Variants in SEPTIN4 observed in about 807,000 individuals in gnomAD.
SEPTIN4 encodes the protein septin 4.
SEPTIN4 carries 52 observed loss-of-function variants against 107.1 expected under a neutral mutation model. The observed-to-expected ratio is 0.49, with a 90% CI of 0.39 to 0.61. SEPTIN4 has a LOEUF of 0.61. Among genes scored for constraint, SEPTIN4 ranks in the 20% least tolerant of loss-of-function variants. SEPTIN4 has a pLI of 0.00. For synonymous variants in SEPTIN4, 417 were observed against 467.0 expected, an observed-to-expected ratio of 0.89 and a Z score of 1.38; for missense variants, 1,048 against 1,243.5, an observed-to-expected ratio of 0.84 and a Z score of 2.36.
chr17:58,539,204 G>C, intron 3 of SEPTIN4: 2 of 1,526,458 alleles, frequency 1.3e-6, no homozygotes, highest in South Asian at 1.2e-5. Context: ...AACAGGGCTG[G>C]AGAGCTGTAA....
intron 3 of SEPTIN4, among the ~76,000 whole-genome samples, chr17:58,532,728 G>A (rs200851355): frequency 6.6e-6 from 1 of 152,210 alleles, no homozygotes; most frequent in Non-Finnish European, 1.5e-5. Context: ...AGTGGGGAGG[G>A]CCTCAGGAGA....
chr17:58,532,107 C>A, intron 3 of SEPTIN4: 1 of 1,059,530 alleles, frequency 9.4e-7, no homozygotes, highest in East Asian at 7.0e-5. Flanking sequence ...GCGGCGGGGG[C>A]GGAGCGAGTC....
At chr17:58,529,301 T>C (rs948201452) in intron 3 of SEPTIN4, 1 of 1,561,122 alleles carries the variant, frequency 6.4e-7, no homozygotes, top group African/African-American at 1.4e-5. Context: ...CTTGCTCCTT[T>C]CCCTTTCTCT....
At position 58,543,480 on chromosome 17, in the gene SEPTIN4, T is replaced by C. The variant is rs762870995; in HGVS notation, c.707A>G (p.Tyr236Cys). The part of the protein sequence containing the change: ...EHGSSCVSAD[Y>C]QTAQRRVPVE... ...AGGGACCCTTCTCTGGGCTGTCTGATAGTCTGCAGAGACACAGCTGCTTCC... is the reference window on the plus strand; with the variant it reads ...AGGGACCCTTCTCTGGGCTGTCTGACAGTCTGCAGAGACACAGCTGCTTCC... Residue 236 changes from tyrosine to cysteine, a missense_variant, in exon 1 of 14, where the codon TAT becomes TGT. Tyr to Cys is a radical substitution (Grantham distance 194). Around this residue, in one of 2 missense-constraint regions of SEPTIN4, gnomAD observed 787 missense variants for 871.8 expected, o/e 0.90. Transcript: ENST00000672673. 74 of 1,614,090 alleles carry C rather than the reference T, an allele frequency of 4.6e-5. No homozygotes were observed. The highest frequency in any genetic ancestry group is 6.1e-5 in the Non-Finnish European group (72 of 1,180,044).
intron 5 of SEPTIN4, 167 bp from the exon 6 acceptor site, chr17:58,525,948 G>T (rs571636846): frequency 1.2e-6 from 1 of 869,562 alleles, no homozygotes; most frequent in Non-Finnish European, 1.7e-6. Flanking sequence ...GATTGGCTTG[G>T]GGGAGCAAGA....
rs1285778042 is a variant in SEPTIN4 at position 58,526,290 on chromosome 17, A to G, written c.1935T>C (p.Phe645=). 2 of 1,601,970 alleles carry G rather than the reference A, an allele frequency of 1.2e-6. No individual in the cohort carries two copies. The highest frequency in any genetic ancestry group is 2.2e-5 in the South Asian group (2 of 89,424). Residue 645 remains phenylalanine (F), a synonymous_variant, in exon 5 of 14, where the codon TTT becomes TTC. Coordinates refer to ENST00000672673, the MANE Select transcript of SEPTIN4 (RefSeq NM_001368771.2). ...SSEDDKEYVG[F]ATLPNQVHRK... ...GGTGGACTTGGTTGGGGAGGGTTGC[A>G]AAGCCCACATACTCCTTGTCATCCT...
In SEPTIN4 at chr17:58,543,343, C is replaced by A. The variant is rs1194207180; in HGVS notation, c.844G>T (p.Asp282Tyr). 1 of 1,614,076 alleles carries A rather than the reference C, an allele frequency of 6.2e-7. No individual in the cohort carries two copies. The highest frequency in any genetic ancestry group is 1.3e-5 in the African/African-American group (1 of 74,910). ...LLKLSVLKDS[D>Y]GVHRVSARVD... ...CGTGCAGAAACTCGGTGTACACCAT[C>A]AGAATCTTTAAGGACAGAGAGTTTG... The change falls in exon 1 of 14, where the codon GAT (aspartate) becomes TAT (tyrosine). Residue 282 changes from aspartate (D) to tyrosine (Y), a missense_variant. By Grantham distance (160) the Asp-to-Tyr change is radical. Coordinates refer to ENST00000672673, the MANE Select transcript of SEPTIN4 (RefSeq NM_001368771.2).
rs1598238184 is a variant in SEPTIN4 at position 58,520,282 on chromosome 17, T to A, written c.*144A>T. 8.7e-6 allele frequency: 6 copies of A among 687,252 alleles called. No individual in the cohort carries two copies. The East Asian group carries it at 1.7e-4, about 19-fold the overall frequency. 42.6% of individuals were successfully genotyped at this position (687,252 alleles called of 1,614,324 possible). A position where few individuals can be genotyped will look rare whatever the true frequency, so the allele number is the denominator to read the frequency against. ...CCACCTACAGATTTATTAAACTTTA[T>A]TTCCTCTGAGTCTCTGGGCAGTCAG... On this transcript the variant is annotated 3_prime_UTR_variant, in exon 14 of 14. Transcript: ENST00000672673.
At chr17:58,525,310 C>T in intron 6 of SEPTIN4, 109 bp from the exon 7 acceptor site, 1 of 1,347,154 alleles carries the variant, frequency 7.4e-7, no homozygotes, top group Non-Finnish European at 1.0e-6. Context: ...TCCACACTGC[C>T]CCCTTCTCCA....
chr17:58,543,725 T>C lies in SEPTIN4; in HGVS notation c.462A>G (p.Lys154=), dbSNP rs747735608. 4 of 1,614,098 alleles carry C rather than the reference T, an allele frequency of 2.5e-6. No individual in the cohort carries two copies. The highest frequency in any genetic ancestry group is 1.1e-5 in the South Asian group (1 of 91,086). ...CTTGAAAACTCAACTGATGAGTAGA[T>C]TTGGCATCTGGGATTGATGAAGCAT... is the stretch of plus-strand genomic sequence containing the variant. ...GHHASSIPDA[K]STHQLSFQDQ... The change falls in exon 1 of 14, where the codon AAA becomes AAG. Residue 154 remains lysine (K), a synonymous_variant. Transcript: ENST00000672673.
At chr17:58,541,178 C>T (rs1030618792) in intron 2 of SEPTIN4, among the ~76,000 whole-genome samples, 129 of 152,318 alleles carry the variant, frequency 8.5e-4, no homozygotes, top group African/African-American at 2.9e-3. Flanking sequence ...ATTCCCAGGG[C>T]TCTCTCCTCC....
At position 58,543,639 on chromosome 17, in the gene SEPTIN4, T is replaced by C; in HGVS notation, c.548A>G (p.Asn183Ser). 1 of 1,614,120 alleles carries C rather than the reference T, an allele frequency of 6.2e-7. No homozygotes were observed. The highest frequency in any genetic ancestry group is 8.5e-7 in the Non-Finnish European group (1 of 1,180,012). ...ACGGGGAACTCTGACTCCTTGGGGGTTCTGGACCTTGGATGGTGGGTCATC... is the reference window on the plus strand; with the variant it reads ...ACGGGGAACTCTGACTCCTTGGGGGCTCTGGACCTTGGATGGTGGGTCATC... ...LEDDPPSKVQ[N>S]PQGVRVPRRI... is the part of the protein sequence containing the mutation. Residue 183 changes from asparagine (N) to serine (S), a missense_variant, in exon 1 of 14, where the codon AAC (asparagine) becomes AGC (serine). By Grantham distance (46) the Asn-to-Ser change is conservative. Around this residue, in one of 2 missense-constraint regions of SEPTIN4, gnomAD observed 787 missense variants for 871.8 expected, o/e 0.90. Transcript: ENST00000672673.
chr17:58,536,106 T>C (rs140111687), intron 3 of SEPTIN4, among the ~76,000 whole-genome samples: 15 of 152,350 alleles, frequency 9.8e-5, no homozygotes, highest in Admixed American at 4.6e-4. Flanking sequence ...GACGTGGCTA[T>C]AGAAGAAGGG....
rs138084020 is a variant in SEPTIN4, at chr17:58,525,765, G to C, written c.2022C>G (p.Gly674=). ...TLMVAGESGL[G]KSTLVNSLFL... ...AGAGGCTATTGACAAGTGTGGATTT[G>C]CCCAGGCCAGACTCTCCTGAGAGGA... The change falls in exon 6 of 14, where the codon GGC becomes GGG. Residue 674 remains glycine, a synonymous_variant. Transcript: ENST00000672673. 25 of 1,613,952 alleles carry C rather than the reference G, an allele frequency of 1.5e-5. No individual in the cohort carries two copies. In the African/African-American group the frequency reaches 3.3e-4, roughly 22 times the overall value.
At chr17:58,533,467 A>G (rs1191407184) in intron 3 of SEPTIN4, among the ~76,000 whole-genome samples, 1 of 152,142 alleles carries the variant, frequency 6.6e-6, no homozygotes, top group Admixed American at 6.5e-5. Context: ...GTATGCTACT[A>G]TAGGCCTTGG....
In SEPTIN4 at chr17:58,543,662, ATCT is replaced by A; in HGVS notation, c.522_524del (p.Glu174del). Reference sequence around the variant, plus strand: ...GGTTCTGGACCTTGGATGGTGGGTCATCTTCTAAGATTTGTGATTGTAAGTTAT... The same window carrying A: ...GGTTCTGGACCTTGGATGGTGGGTCATCTAAGATTTGTGATTGTAAGTTAT... On this transcript the variant is annotated inframe_deletion, in exon 1 of 14. Transcript: ENST00000672673. 1 of 1,614,224 alleles carries A rather than the reference ATCT, an allele frequency of 6.2e-7. No homozygotes were observed. The highest frequency in any genetic ancestry group is 8.5e-7 in the Non-Finnish European group (1 of 1,180,028).
intron 3 of SEPTIN4, among the ~76,000 whole-genome samples, chr17:58,540,464 C>T (rs1362641165): frequency 1.3e-5 from 2 of 152,224 alleles, no homozygotes; most frequent in Non-Finnish European, 2.9e-5. Context: ...AGGTGCACAG[C>T]TTGGCAAATG....
Position 58,526,750 on chromosome 17 carries a change from C to T in SEPTIN4, c.1843G>A (p.Ala615Thr). 1 of 1,612,750 alleles carries T rather than the reference C, an allele frequency of 6.2e-7. No individual in the cohort carries two copies. Among genetic ancestry groups the T allele is most frequent in the East Asian group, 2.2e-5 (1 of 44,852 alleles). ...SDNQQYFCAP[A>T]PLSPSARPRS... is the part of the protein sequence containing the mutation. ...GGCCTGGCAGATGGGCTGAGAGGGG[C>T]TGGGGCACAGAAGTACTGCTGGTTG... is the stretch of plus-strand genomic sequence containing the variant. Residue 615 changes from alanine to threonine, a missense_variant, in exon 4 of 14, where the codon GCC becomes ACC. Physicochemically the swap from Ala to Thr is moderately conservative, Grantham distance 58. This residue lies in a region of SEPTIN4 where 787 missense variants were observed against 871.8 expected (regional missense o/e 0.90). Transcript: ENST00000672673.
intron 3 of SEPTIN4, among the ~76,000 whole-genome samples, chr17:58,539,567 A>G (rs987709416): frequency 5.3e-5 from 8 of 152,210 alleles, no homozygotes; most frequent in African/African-American, 1.9e-4. Flanking sequence ...ACATTTGAGC[A>G]CAAACTATTT....
Sources: allele counts gnomAD v4.1 joint callset (sites outside exome capture counted in the v4.1 genomes callset), GRCh38; gene constraint gnomAD v4.1.1; regional missense constraint gnomAD v4.1.1; transcripts MANE v1.5; gene names NCBI Gene and HGNC (gene_info 2026-07-23, HGNC 2026-07-21).